The following PRKD1 variants were observed in gnomAD, a reference collection of about 807,000 sequenced individuals.
PRKD1 encodes the protein protein kinase D1.
A neutral mutation model predicts 95.9 loss-of-function variants in PRKD1; 63 were observed. The ratio of observed to expected loss-of-function variants is 0.66; its 90% CI spans 0.54 to 0.81. PRKD1 has a LOEUF of 0.81. Among genes scored for constraint, PRKD1 ranks in the 30% least tolerant of loss-of-function variants. PRKD1 has a pLI of 0.00. For missense variants in PRKD1, 1,048 were observed against 1,165.3 expected, an observed-to-expected ratio of 0.90 and a Z score of 1.47; for synonymous variants, 425 against 423.1, an observed-to-expected ratio of 1.00 and a Z score of -0.05.
intron 2 of PRKD1, among the ~76,000 whole-genome samples, chr14:29,671,554 ATTTTTG>A (rs1371292922): frequency 6.6e-6 from 1 of 152,056 alleles, no homozygotes; most frequent in Non-Finnish European, 1.5e-5. Flanking sequence ...ATTCAATTAT[ATTTTTG>A]TTTTTATCTT....
At chr14:29,600,844 C>T (rs943883445) in intron 13 of PRKD1, among the ~76,000 whole-genome samples, 9 of 142,910 alleles carry the variant, frequency 6.3e-5, no homozygotes, top group South Asian at 2.4e-4. Context: ...TCTGAACGTT[C>T]TTCTGGGTCA....
intron 1 of PRKD1, among the ~76,000 whole-genome samples, chr14:29,907,905 C>T (rs1894548944): frequency 6.6e-6 from 1 of 152,010 alleles, no homozygotes; most frequent in Non-Finnish European, 1.5e-5. Context: ...TTTAAAAGAT[C>T]AAAGTGAAAT....
At chr14:29,642,933 AGAG>A (rs1364100456) in intron 4 of PRKD1, among the ~76,000 whole-genome samples, 6 of 151,504 alleles carry the variant, frequency 4.0e-5, no homozygotes, top group Non-Finnish European at 5.9e-5. Flanking sequence ...TTTAATGAGA[AGAG>A]GAGGGAAAGT....
intron 13 of PRKD1, among the ~76,000 whole-genome samples, chr14:29,603,919 C>A (rs1267878123): frequency 6.6e-6 from 1 of 152,068 alleles, no homozygotes; most frequent in African/African-American, 2.4e-5. Context: ...AAATAGTGTC[C>A]ATTCACACAT....
At position 29,599,806 on chromosome 14, in the gene PRKD1, G is replaced by T. The variant is rs776507287; in HGVS notation, c.1917C>A (p.His639Gln). ...TACACTCCAAATTTACAACACCAGG[G>T]TGATGAAGGTTCTATTAAAGATAAA... is the stretch of plus-strand genomic sequence containing the variant. ...NEVAILQNLH[H>Q]PGVVNLECMF... The change falls in exon 14 of 18, where the codon CAC (histidine) becomes CAA (glutamine). Residue 639 changes from histidine (H) to glutamine (Q), a missense_variant. Around this residue, in one of 3 missense-constraint regions of PRKD1, gnomAD observed 739 missense variants for 861.9 expected, o/e 0.86. Transcript: ENST00000331968. 1.2e-6 allele frequency: 2 copies of T among 1,606,854 alleles called. No homozygotes were observed. Among genetic ancestry groups the T allele is most frequent in the Non-Finnish European group, 1.7e-6 (2 of 1,178,124 alleles).
intron 1 of PRKD1, among the ~76,000 whole-genome samples, chr14:29,849,019 C>T (rs940299378): frequency 6.6e-6 from 1 of 152,136 alleles, no homozygotes; most frequent in African/African-American, 2.4e-5. Flanking sequence ...ACAAAAGATC[C>T]TCAGAGACTA....
At chr14:29,609,455 G>C (rs1211458787) in intron 13 of PRKD1, among the ~76,000 whole-genome samples, 10 of 148,878 alleles carry the variant, frequency 6.7e-5, no homozygotes, top group Admixed American at 6.7e-4. Context: ...TTCAATGTTT[G>C]CATAGCAAAA....
At chr14:29,737,983 GCA>G (rs1886807664) in intron 1 of PRKD1, among the ~76,000 whole-genome samples, 1 of 152,138 alleles carries the variant, frequency 6.6e-6, no homozygotes, top group African/African-American at 2.4e-5. Flanking sequence ...CACGTATGTA[GCA>G]ATATAGTTGT....
chr14:29,696,099 T>C (rs1316969332), intron 2 of PRKD1, among the ~76,000 whole-genome samples: 1 of 152,190 alleles, frequency 6.6e-6, no homozygotes, highest in African/African-American at 2.4e-5. Flanking sequence ...ATATAAAGCA[T>C]TGCATTTTCA....
intron 1 of PRKD1, among the ~76,000 whole-genome samples, chr14:29,799,895 G>C (rs1222883256): frequency 6.6e-6 from 1 of 151,968 alleles, no homozygotes; most frequent in Non-Finnish European, 1.5e-5. Flanking sequence ...TTCTTTTCAT[G>C]GTCTATTTAA....
intron 1 of PRKD1, among the ~76,000 whole-genome samples, chr14:29,855,346 G>A (rs1293302502): frequency 6.6e-6 from 1 of 152,118 alleles, no homozygotes; most frequent in Non-Finnish European, 1.5e-5. Flanking sequence ...TGAGACCTGG[G>A]GCCAAAGGAG....
chr14:29,769,496 G>A (rs1313682589), intron 1 of PRKD1, among the ~76,000 whole-genome samples: 1 of 152,076 alleles, frequency 6.6e-6, no homozygotes, highest in Non-Finnish European at 1.5e-5. Flanking sequence ...AGAAACTTGA[G>A]GCTGCATGAG....
At chr14:29,776,670 G>T (rs542694771) in intron 1 of PRKD1, among the ~76,000 whole-genome samples, 1 of 152,328 alleles carries the variant, frequency 6.6e-6, no homozygotes, top group Admixed American at 6.5e-5. Context: ...AGATCTGATT[G>T]CTGTACCTGA....
At position 29,676,177 on chromosome 14, in the gene PRKD1, G is replaced by GTTTTTTTTTTTTTTTTTTTT. The variant is rs147308040; in HGVS notation, c.404-9970_404-9969insAAAAAAAAAAAAAAAAAAAA. On this transcript the variant is annotated intron_variant, in intron 2 of 17. Transcript: ENST00000331968. The stretch of plus-strand genomic sequence containing the variant: ...GCTGTAGGCATGCATAGTTCATTAC[G>GTTTTTTTTTTTTTTTTTTTT]TTTTTGTTTTTTTTTTTTTTTTTTT... Among the ~76,000 whole-genome samples the GTTTTTTTTTTTTTTTTTTTT allele has an allele frequency of 1.1e-3, 114 of 104,694 alleles. 4 individuals carry two copies. Among genetic ancestry groups the GTTTTTTTTTTTTTTTTTTTT allele is most frequent in the African/African-American group, 1.5e-3 (36 of 23,868 alleles). The allele number at this position is 104,694 out of a possible 152,430, so 68.7% of individuals were successfully genotyped here. A position where few individuals can be genotyped will look rare whatever the true frequency, so the allele number is the denominator to read the frequency against.
intron 1 of PRKD1, among the ~76,000 whole-genome samples, chr14:29,914,204 G>C (rs58093146): frequency 6.6e-6 from 1 of 152,194 alleles, no homozygotes; most frequent in Non-Finnish European, 1.5e-5. Context: ...GGGAAGTTAC[G>C]TGTTGGCATT....
At chr14:29,826,569 T>C (rs1159924918) in intron 1 of PRKD1, among the ~76,000 whole-genome samples, 1 of 122,120 alleles carries the variant, frequency 8.2e-6, no homozygotes, top group Non-Finnish European at 1.7e-5. Context: ...ATGGAATATA[T>C]ATATATACAT....
At chr14:29,842,418 T>C (rs767610285) in intron 1 of PRKD1, among the ~76,000 whole-genome samples, 2 of 152,220 alleles carry the variant, frequency 1.3e-5, no homozygotes, top group Non-Finnish European at 2.9e-5. Context: ...ATCATTAAGA[T>C]AGTTATGATG....
chr14:29,766,092 G>A (rs1179114556), intron 1 of PRKD1, among the ~76,000 whole-genome samples: 1 of 152,088 alleles, frequency 6.6e-6, no homozygotes, highest in Admixed American at 6.6e-5. Flanking sequence ...GAAGAGAAGA[G>A]CAACGACGAA....
intron 13 of PRKD1, among the ~76,000 whole-genome samples, chr14:29,615,005 C>T (rs113182543): frequency 6.6e-6 from 1 of 151,732 alleles, no homozygotes; most frequent in Non-Finnish European, 1.5e-5. Context: ...AGCCACTATA[C>T]CCAGCCAATA....
Sources: allele counts gnomAD v4.1 joint callset (sites outside exome capture counted in the v4.1 genomes callset), GRCh38; gene constraint gnomAD v4.1.1; regional missense constraint gnomAD v4.1.1; transcripts MANE v1.5; gene names NCBI Gene and HGNC (gene_info 2026-07-23, HGNC 2026-07-21).